Variants in CRPPA observed in about 807,000 individuals in gnomAD.
CRPPA encodes D-ribitol-5-phosphate cytidylyltransferase.
Under a neutral mutation model 52.0 loss-of-function variants are expected in CRPPA, and 43 were observed. The observed-to-expected ratio is 0.83, with a 90% CI of 0.65 to 1.07. CRPPA has a LOEUF of 1.07. Ranked by LOEUF, CRPPA falls within the 50% of genes least tolerant of loss-of-function variation. The pLI, the probability that CRPPA is intolerant of heterozygous loss-of-function variation, is 0.00. For synonymous variants in CRPPA, 250 were observed against 203.5 expected, an observed-to-expected ratio of 1.23 and a Z score of -1.94; for missense variants, 629 against 551.7, an observed-to-expected ratio of 1.14 and a Z score of -1.40.
chr7:16,382,726 C>A lies in CRPPA; in HGVS notation c.535-6485G>T, dbSNP rs553999597. On this transcript the variant is annotated intron_variant, in intron 2 of 9. Transcript: ENST00000407010. ...TTTTTTCTCTAAACTTCCCTTCTGG[C>A]TTCATTTCATTCATTTCATCTTCCA... Among the ~76,000 whole-genome samples, 131 of 152,084 alleles carry A rather than the reference C, an allele frequency of 8.6e-4. 4 individuals are homozygous for A. In the South Asian group the frequency reaches 0.026, roughly 30 times the overall value.
chr7:16,133,798 G>A (rs1677223979), intron 9 of CRPPA, among the ~76,000 whole-genome samples: 1 of 125,012 alleles, frequency 8.0e-6, no homozygotes, highest in Non-Finnish European at 1.8e-5. Flanking sequence ...ATTTAGGTCT[G>A]CAGCTGAGGA....
At chr7:16,369,870 A>G (rs946252101) in intron 3 of CRPPA, among the ~76,000 whole-genome samples, 1 of 152,218 alleles carries the variant, frequency 6.6e-6, no homozygotes, top group Non-Finnish European at 1.5e-5. Flanking sequence ...CTCTGTGAAG[A>G]CAGATGAAAA....
intron 5 of CRPPA, among the ~76,000 whole-genome samples, chr7:16,299,565 T>A (rs1002002197): frequency 1.8e-4 from 27 of 152,154 alleles, no homozygotes. Context: ...CCCAGAGCAG[T>A]GATCCTCAAA....
chr7:16,254,776 A>G (rs1317933027), intron 8 of CRPPA, among the ~76,000 whole-genome samples: 4 of 128,074 alleles, frequency 3.1e-5, no homozygotes, highest in East Asian at 2.4e-4. Context: ...ACACACAGAA[A>G]GAAAGAAAGA....
chr7:16,179,105 C>T (rs1342402133), intron 9 of CRPPA, among the ~76,000 whole-genome samples: 1 of 151,982 alleles, frequency 6.6e-6, no homozygotes, highest in African/African-American at 2.4e-5. Flanking sequence ...GAATAATGAA[C>T]TAAAATATTT....
At chr7:16,230,315 A>C (rs1562572238) in intron 8 of CRPPA, among the ~76,000 whole-genome samples, 1 of 150,948 alleles carries the variant, frequency 6.6e-6, no homozygotes, top group Non-Finnish European at 1.5e-5. Context: ...TCATTCCTTT[A>C]TTTCTTTCTT....
intron 3 of CRPPA, among the ~76,000 whole-genome samples, chr7:16,373,439 G>T (rs535543291): frequency 6.6e-6 from 1 of 152,298 alleles, no homozygotes; most frequent in African/African-American, 2.4e-5. Context: ...TATATACTTG[G>T]TGTTAGTAAT....
At chr7:16,116,433 G>C (rs1185257403) in intron 9 of CRPPA, among the ~76,000 whole-genome samples, 3 of 152,146 alleles carry the variant, frequency 2.0e-5, no homozygotes, top group Non-Finnish European at 2.9e-5. Flanking sequence ...AGGAGGCCTA[G>C]GCAGGTGGAT....
chr7:16,373,867 C>T (rs1306870421), intron 3 of CRPPA, among the ~76,000 whole-genome samples: 1 of 152,118 alleles, frequency 6.6e-6, no homozygotes, highest in Non-Finnish European at 1.5e-5. Context: ...TGTGACCTTC[C>T]AGCACCATTT....
chr7:16,287,739 T>C (rs1784479772), intron 5 of CRPPA, among the ~76,000 whole-genome samples: 1 of 152,102 alleles, frequency 6.6e-6, no homozygotes, highest in Non-Finnish European at 1.5e-5. Flanking sequence ...CTGGCCAATA[T>C]GGCAAAACCC....
chr7:16,120,797 C>T (rs1003403828), intron 9 of CRPPA, among the ~76,000 whole-genome samples: 4 of 151,894 alleles, frequency 2.6e-5, no homozygotes, highest in Non-Finnish European at 5.9e-5. Flanking sequence ...AAGAGATAGA[C>T]AATTGTTCTT....
chr7:16,391,133 C>A (rs1286138404), intron 2 of CRPPA, among the ~76,000 whole-genome samples: 1 of 152,136 alleles, frequency 6.6e-6, no homozygotes, highest in Non-Finnish European at 1.5e-5. Flanking sequence ...AAAATGCATA[C>A]CTCTACTGCA....
At chr7:16,395,966 C>G (rs1787558816) in intron 2 of CRPPA, among the ~76,000 whole-genome samples, 1 of 152,188 alleles carries the variant, frequency 6.6e-6, no homozygotes, top group African/African-American at 2.4e-5. Context: ...CCACCTCATT[C>G]CCATAGCACC....
At chr7:16,301,538 C>A in intron 4 of CRPPA, 72 bp from the exon 5 acceptor site, 1 of 1,084,448 alleles carries the variant, frequency 9.2e-7, no homozygotes, top group South Asian at 1.4e-5. Context: ...ATAATGCCCC[C>A]AAGGAAATTC....
chr7:16,272,673 C>T (rs558829018), intron 6 of CRPPA, among the ~76,000 whole-genome samples: 1 of 152,300 alleles, frequency 6.6e-6, no homozygotes, highest in East Asian at 1.9e-4. Flanking sequence ...TATAAAACTA[C>T]ATAAATCCTT....
intron 2 of CRPPA, among the ~76,000 whole-genome samples, chr7:16,390,913 A>T (rs1459508694): frequency 6.6e-6 from 1 of 152,196 alleles, no homozygotes; most frequent in African/African-American, 2.4e-5. Context: ...TTGGTCTGTT[A>T]GGCTTAGTTC....
rs927154940 is a variant in CRPPA, at chr7:16,202,385, T to C, written c.1251+13681A>G. Among the ~76,000 whole-genome samples the C allele has an allele frequency of 3.9e-5, 6 of 152,202 alleles. No homozygotes were observed. The East Asian group carries it at 1.2e-3, about 29-fold the overall frequency. ...AGTACATTAAATGAAAAAGTACTAC[T>C]ACTCAAATCTATGATGTCCTTATAC... On this transcript the variant is annotated intron_variant, in intron 9 of 9. Coordinates refer to ENST00000407010, the MANE Select transcript of CRPPA (RefSeq NM_001101426.4).
chr7:16,377,511 T>C (rs1786926328), intron 2 of CRPPA, among the ~76,000 whole-genome samples: 2 of 152,212 alleles, frequency 1.3e-5, no homozygotes, highest in South Asian at 4.1e-4. Context: ...AAAATGCCAA[T>C]GCAAGGAGCT....
chr7:16,376,702 A>G (rs906280774), intron 2 of CRPPA, among the ~76,000 whole-genome samples: 18 of 152,178 alleles, frequency 1.2e-4, no homozygotes, highest in African/African-American at 4.1e-4. Context: ...AACCCAAACA[A>G]TGTGGGTTGC....
Sources: allele counts gnomAD v4.1 joint callset (sites outside exome capture counted in the v4.1 genomes callset), GRCh38; gene constraint gnomAD v4.1.1; transcripts MANE v1.5; gene names NCBI Gene and HGNC (gene_info 2026-07-23, HGNC 2026-07-21).